Variants in RBFOX1 observed in about 807,000 individuals in gnomAD.
RBFOX1 encodes the protein RNA binding fox-1 homolog 1.
A neutral mutation model predicts 57.7 loss-of-function variants in RBFOX1; 8 were observed. That is an observed-to-expected ratio of 0.14 (90% CI 0.08 to 0.25). The LOEUF (loss-of-function observed/expected upper bound fraction) is 0.25. RBFOX1 is among the 10% of genes least tolerant of loss of function. RBFOX1 has a pLI of 1.00. For synonymous variants in RBFOX1, 326 were observed against 222.4 expected, an observed-to-expected ratio of 1.47 and a Z score of -4.15; for missense variants, 611 against 548.5, an observed-to-expected ratio of 1.11 and a Z score of -1.14.
intron 4 of RBFOX1, among the ~76,000 whole-genome samples, chr16:7,504,717 AT>A (rs1295115942): frequency 3.4e-4 from 2 of 5,828 alleles, no homozygotes; most frequent in Non-Finnish European, 6.9e-4. Context: ...GATTATATAT[AT>A]ATATATATAT....
intron 3 of RBFOX1, among the ~76,000 whole-genome samples, chr16:6,778,552 C>T (rs2079781680): frequency 6.6e-6 from 1 of 152,080 alleles, no homozygotes; most frequent in Admixed American, 6.6e-5. Context: ...CAGATTTTCC[C>T]AGTTATCTTA....
chr16:6,607,852 C>A (rs2097964899), intron 2 of RBFOX1, among the ~76,000 whole-genome samples: 1 of 152,148 alleles, frequency 6.6e-6, no homozygotes, highest in Non-Finnish European at 1.5e-5. Context: ...TGACTTACAT[C>A]CTCATTTAGC....
At chr16:6,697,827 C>A (rs955377010) in intron 3 of RBFOX1, among the ~76,000 whole-genome samples, 4 of 152,182 alleles carry the variant, frequency 2.6e-5, no homozygotes, top group African/African-American at 7.2e-5. Flanking sequence ...CATGGCCCAC[C>A]TTTAGCCTTC....
intron 1 of RBFOX1, among the ~76,000 whole-genome samples, chr16:6,229,840 A>G (rs2097445326): frequency 6.6e-6 from 1 of 151,994 alleles, no homozygotes. Flanking sequence ...TTTAAAATTA[A>G]GAGTTTGGAC....
intron 3 of RBFOX1, among the ~76,000 whole-genome samples, chr16:6,849,393 G>A (rs951162045): frequency 1.3e-5 from 2 of 152,212 alleles, no homozygotes; most frequent in South Asian, 4.1e-4. Flanking sequence ...GCCTGGCTGG[G>A]TGTGGTGGCT....
chr16:5,929,920 T>C (rs1597833073), intron 4 of RBFOX1, among the ~76,000 whole-genome samples: 1 of 150,508 alleles, frequency 6.6e-6, no homozygotes, highest in East Asian at 2.0e-4. Flanking sequence ...GGGTGGGAAA[T>C]TGTCAAGAAC....
At chr16:7,465,589 G>T (rs2060371658) in intron 4 of RBFOX1, among the ~76,000 whole-genome samples, 1 of 152,168 alleles carries the variant, frequency 6.6e-6, no homozygotes. Flanking sequence ...AATAGTGGTG[G>T]TAATACTTCA....
chr16:6,256,253 ATATGTG>A lies in RBFOX1; in HGVS notation c.-126-60738_-126-60733del, dbSNP rs1567788746. On this transcript the variant is annotated intron_variant, in intron 1 of 15. Coordinates refer to ENST00000550418, the MANE Select transcript of RBFOX1 (RefSeq NM_018723.4). ...TATATGTGTATATATATATGTATAT[ATATGTG>A]TATATATATATGTATATATATATGT... Among the ~76,000 whole-genome samples the A allele has an allele frequency of 9.5e-4, 110 of 116,398 alleles. 4 individuals carry two copies. The highest frequency in any genetic ancestry group is 3.0e-3 in the African/African-American group (77 of 25,286). The allele number at this position is 116,398 out of a possible 152,430, so 76.4% of individuals were successfully genotyped here. A position where few individuals can be genotyped will look rare whatever the true frequency, so the allele number is the denominator to read the frequency against.
At chr16:5,331,836 G>T (rs997349930) in intron 1 of RBFOX1, among the ~76,000 whole-genome samples, 1 of 152,238 alleles carries the variant, frequency 6.6e-6, no homozygotes, top group African/African-American at 2.4e-5. Context: ...CATGGCTGGT[G>T]ACCATGCCCA....
intron 5 of RBFOX1, among the ~76,000 whole-genome samples, chr16:7,524,342 C>G (rs960753699): frequency 7.9e-5 from 12 of 152,164 alleles, no homozygotes; most frequent in Admixed American, 3.3e-4. Flanking sequence ...CCTTTTAGTT[C>G]CCCACAGGCT....
intron 2 of RBFOX1, among the ~76,000 whole-genome samples, chr16:6,349,921 G>C (rs1194613421): frequency 1.3e-5 from 2 of 152,150 alleles, no homozygotes; most frequent in Non-Finnish European, 1.5e-5. Context: ...GGGATGCCAT[G>C]GGGGGCAGTG....
chr16:6,940,371 C>G (rs965711090), intron 3 of RBFOX1, among the ~76,000 whole-genome samples: 1 of 152,150 alleles, frequency 6.6e-6, no homozygotes, highest in Non-Finnish European at 1.5e-5. Context: ...TTGCTCACTT[C>G]CCATCCGACA....
intron 3 of RBFOX1, among the ~76,000 whole-genome samples, chr16:6,955,403 G>A (rs1489382240): frequency 1.3e-5 from 2 of 151,556 alleles, no homozygotes; most frequent in Admixed American, 6.6e-5. Flanking sequence ...AAACCCCTGT[G>A]TTCTGGACTT....
intron 3 of RBFOX1, among the ~76,000 whole-genome samples, chr16:6,747,497 T>A (rs2073993760): frequency 6.6e-6 from 1 of 152,176 alleles, no homozygotes; most frequent in Non-Finnish European, 1.5e-5. Flanking sequence ...TCTATCTGTC[T>A]TACTGGTTTA....
chr16:5,917,323 C>T (rs1430286146), intron 4 of RBFOX1, among the ~76,000 whole-genome samples: 1 of 152,154 alleles, frequency 6.6e-6, no homozygotes, highest in Admixed American at 6.5e-5. Flanking sequence ...GTCCATTAAG[C>T]GCCCACCACC....
chr16:5,848,356 C>T (rs977118284), intron 3 of RBFOX1, among the ~76,000 whole-genome samples: 3 of 152,182 alleles, frequency 2.0e-5, no homozygotes, highest in African/African-American at 7.2e-5. Flanking sequence ...CTCTGGATCT[C>T]TGGTCTCTTG....
intron 4 of RBFOX1, among the ~76,000 whole-genome samples, chr16:7,120,852 CACACACAT>C (rs1281764585): frequency 6.7e-6 from 1 of 150,256 alleles, no homozygotes; most frequent in East Asian, 1.9e-4. Context: ...CACACACACA[CACACACAT>C]ACGTAAACAT....
intron 3 of RBFOX1, among the ~76,000 whole-genome samples, chr16:6,656,599 G>GACACAC (rs60723864): frequency 0.043 from 6,325 of 146,338 alleles, 186 homozygotes; most frequent in African/African-American, 0.083. Flanking sequence ...GGGGAAAATA[G>GACACAC]ACACACACAC....
At position 7,470,017 on chromosome 16, in the gene RBFOX1, G is replaced by A. The variant is rs1045233104; in HGVS notation, c.28-48130G>A. On this transcript the variant is annotated intron_variant, in intron 4 of 15. Coordinates refer to ENST00000550418, the MANE Select transcript of RBFOX1 (RefSeq NM_018723.4). The stretch of plus-strand genomic sequence containing the variant: ...GTTCAAGGTGCTACAGCATGGGTCA[G>A]TTTTTTTTTTTTTTCACTTTTAACA... Among the ~76,000 whole-genome samples the A allele has an allele frequency of 4.9e-5, 7 of 143,240 alleles. No individual in the cohort carries two copies. In the South Asian group the frequency reaches 1.6e-3, roughly 32 times the overall value. 94.0% of individuals were successfully genotyped at this position (143,240 alleles called of 152,430 possible).
Sources: allele counts gnomAD v4.1 joint callset (sites outside exome capture counted in the v4.1 genomes callset), GRCh38; gene constraint gnomAD v4.1.1; transcripts MANE v1.5; gene names NCBI Gene and HGNC (gene_info 2026-07-23, HGNC 2026-07-21).